Variants in CNTN4 observed in about 807,000 individuals in gnomAD.
CNTN4 encodes contactin 4, also known as contactin-4.
A neutral mutation model predicts 122.5 loss-of-function variants in CNTN4; 77 were observed. The ratio of observed to expected loss-of-function variants is 0.63; its 90% CI spans 0.52 to 0.76. The LOEUF (loss-of-function observed/expected upper bound fraction) is 0.76. Ranked by LOEUF, CNTN4 falls within the 30% of genes least tolerant of loss-of-function variation. The probability of loss-of-function intolerance (pLI) is 0.00; values close to 1 mark genes in which losing one functional copy is unlikely to be tolerated. For missense variants in CNTN4, 1,256 were observed against 1,259.1 expected, an observed-to-expected ratio of 1.00 and a Z score of 0.04; for synonymous variants, 512 against 447.0, an observed-to-expected ratio of 1.15 and a Z score of -1.83.
At chr3:2,315,574 A>T (rs1361868819) in intron 2 of CNTN4, among the ~76,000 whole-genome samples, 5 of 152,010 alleles carry the variant, frequency 3.3e-5, no homozygotes, top group Admixed American at 3.3e-4. Context: ...TAAGACTGTT[A>T]TAATCAGAAG....
intron 3 of CNTN4, among the ~76,000 whole-genome samples, chr3:2,517,420 G>C (rs186562761): frequency 3.9e-5 from 6 of 152,214 alleles, no homozygotes; most frequent in Admixed American, 2.0e-4. Context: ...TCCCTCCAAT[G>C]ATCTGTATTA....
chr3:2,447,064 C>T (rs1334281015), intron 3 of CNTN4, among the ~76,000 whole-genome samples: 1 of 152,168 alleles, frequency 6.6e-6, no homozygotes, highest in African/African-American at 2.4e-5. Flanking sequence ...ATGGGAGTTT[C>T]ATATGCTTGA....
chr3:2,549,777 C>T (rs181452511), intron 3 of CNTN4, among the ~76,000 whole-genome samples: 23 of 152,132 alleles, frequency 1.5e-4, no homozygotes, highest in African/African-American at 4.8e-4. Flanking sequence ...AAGAATGGTA[C>T]TAGCTCCTCT....
At chr3:2,553,163 A>C (rs543447666) in intron 3 of CNTN4, among the ~76,000 whole-genome samples, 1 of 152,274 alleles carries the variant, frequency 6.6e-6, no homozygotes, top group South Asian at 2.1e-4. Context: ...CATGTTTTGA[A>C]AAAACTGTTA....
chr3:2,939,830 C>T (rs2094597582), intron 13 of CNTN4, among the ~76,000 whole-genome samples: 1 of 152,194 alleles, frequency 6.6e-6, no homozygotes, highest in African/African-American at 2.4e-5. Flanking sequence ...TGCTGGAGCC[C>T]AGTAGCAAGG....
intron 3 of CNTN4, among the ~76,000 whole-genome samples, chr3:2,533,167 G>T: frequency 1.3e-5 from 2 of 150,150 alleles, no homozygotes; most frequent in African/African-American, 2.5e-5. Context: ...AAGTTCTAGG[G>T]TACATGTGCA....
intron 3 of CNTN4, among the ~76,000 whole-genome samples, chr3:2,492,744 G>A (rs922477053): frequency 2.0e-5 from 3 of 152,098 alleles, no homozygotes; most frequent in Non-Finnish European, 4.4e-5. Flanking sequence ...AATAAATGAA[G>A]GAGAGGAATG....
At chr3:2,366,246 G>A (rs1019055930) in intron 3 of CNTN4, among the ~76,000 whole-genome samples, 1 of 152,086 alleles carries the variant, frequency 6.6e-6, no homozygotes, top group Non-Finnish European at 1.5e-5. Flanking sequence ...ACATTTTCAC[G>A]TTTTAATTAA....
At chr3:2,771,938 T>TTTA (rs1297100920) in intron 6 of CNTN4, among the ~76,000 whole-genome samples, 18 of 152,190 alleles carry the variant, frequency 1.2e-4, no homozygotes, top group African/African-American at 4.1e-4. Context: ...GGCAGGGTGT[T>TTTA]TCATGCGACA....
chr3:2,494,335 T>C (rs2076395584), intron 3 of CNTN4, among the ~76,000 whole-genome samples: 1 of 152,154 alleles, frequency 6.6e-6, no homozygotes, highest in South Asian at 2.1e-4. Flanking sequence ...AGAAAGGTGG[T>C]AGAACCTGAA....
chr3:2,163,441 G>A (rs1316996875), intron 2 of CNTN4, among the ~76,000 whole-genome samples: 2 of 152,070 alleles, frequency 1.3e-5, no homozygotes, highest in Admixed American at 6.6e-5. Flanking sequence ...TATTGGCTTA[G>A]GGAAAGAATT....
chr3:2,768,104 A>G (rs1209265337), intron 6 of CNTN4, among the ~76,000 whole-genome samples: 5 of 152,188 alleles, frequency 3.3e-5, no homozygotes, highest in African/African-American at 9.6e-5. Context: ...TGGAGCCTTC[A>G]TATTTATTGC....
chr3:2,906,520 A>G (rs2094234684), intron 12 of CNTN4, among the ~76,000 whole-genome samples: 1 of 152,166 alleles, frequency 6.6e-6, no homozygotes, highest in African/African-American at 2.4e-5. Context: ...CATAAAGCAT[A>G]TATCGGAAAA....
intron 3 of CNTN4, among the ~76,000 whole-genome samples, chr3:2,500,023 C>T (rs1229224674): frequency 1.3e-5 from 2 of 151,882 alleles, no homozygotes; most frequent in Non-Finnish European, 2.9e-5. Context: ...TTTAATTTTG[C>T]CTTTTAATAT....
intron 3 of CNTN4, among the ~76,000 whole-genome samples, chr3:2,440,045 AAACCT>A (rs1167629910): frequency 6.6e-6 from 1 of 152,214 alleles, no homozygotes; most frequent in Non-Finnish European, 1.5e-5. Flanking sequence ...GAAGTGTTAC[AAACCT>A]GAAGAGCAGT....
chr3:2,845,513 A>T (rs2093441223), intron 7 of CNTN4, among the ~76,000 whole-genome samples: 1 of 152,212 alleles, frequency 6.6e-6, no homozygotes, highest in Non-Finnish European at 1.5e-5. Context: ...TATGACATAC[A>T]TATGGCATTA....
chr3:2,273,460 T>C (rs2041380964), intron 2 of CNTN4, among the ~76,000 whole-genome samples: 1 of 152,208 alleles, frequency 6.6e-6, no homozygotes, highest in African/African-American at 2.4e-5. Flanking sequence ...ACTATTGATG[T>C]CTTATGGGGA....
At chr3:3,041,935 G>A (rs1559825163) in intron 20 of CNTN4, among the ~76,000 whole-genome samples, 1 of 152,184 alleles carries the variant, frequency 6.6e-6, no homozygotes, top group Non-Finnish European at 1.5e-5. Context: ...TTCCAGCCTA[G>A]GTGACAGAGT....
chr3:2,398,964 G>A (rs1254308260), intron 3 of CNTN4, among the ~76,000 whole-genome samples: 3 of 151,970 alleles, frequency 2.0e-5, no homozygotes, highest in Non-Finnish European at 4.4e-5. Context: ...GTTTTAAATT[G>A]GCCAAATCAA....
Sources: allele counts gnomAD v4.1 joint callset (sites outside exome capture counted in the v4.1 genomes callset), GRCh38; gene constraint gnomAD v4.1.1; transcripts MANE v1.5; gene names NCBI Gene and HGNC (gene_info 2026-07-23, HGNC 2026-07-21).